Variants in DCC observed in about 807,000 individuals in gnomAD.
DCC encodes DCC netrin 1 receptor.
In DCC, 58 loss-of-function variants were observed where a neutral mutation model predicts 172.5. The observed-to-expected ratio is 0.34, with a 90% CI of 0.27 to 0.42. The LOEUF (loss-of-function observed/expected upper bound fraction) is 0.42. Ranked by LOEUF, DCC falls within the 10% of genes least tolerant of loss-of-function variation. The pLI is 1.00. For synonymous variants in DCC, 709 were observed against 644.5 expected, an observed-to-expected ratio of 1.10 and a Z score of -1.52; for missense variants, 1,740 against 1,791.0, an observed-to-expected ratio of 0.97 and a Z score of 0.51.
intron 7 of DCC, among the ~76,000 whole-genome samples, chr18:53,083,818 AG>A (rs993375611): frequency 6.6e-6 from 1 of 152,198 alleles, no homozygotes; most frequent in African/African-American, 2.4e-5. Flanking sequence ...AACAGCTATA[AG>A]GAACAACAAA....
chr18:52,662,880 G>A (rs1469323126), intron 1 of DCC, among the ~76,000 whole-genome samples: 9 of 152,076 alleles, frequency 5.9e-5, no homozygotes, highest in Non-Finnish European at 1.3e-4. Flanking sequence ...TGGTGGAAGT[G>A]ACAATGCAAC....
intron 8 of DCC, among the ~76,000 whole-genome samples, chr18:53,171,885 G>T (rs577073582): frequency 1.3e-5 from 2 of 151,902 alleles, no homozygotes; most frequent in East Asian, 3.9e-4. Context: ...AACAATAGAT[G>T]CTGGTGAGGC....
chr18:52,414,603 A>AT (rs1986954602), intron 1 of DCC, among the ~76,000 whole-genome samples: 1 of 152,104 alleles, frequency 6.6e-6, no homozygotes, highest in Non-Finnish European at 1.5e-5. Context: ...CATTAACTGC[A>AT]TAGACAGCTG....
At chr18:52,810,514 C>T (rs1283362255) in intron 2 of DCC, among the ~76,000 whole-genome samples, 8 of 152,130 alleles carry the variant, frequency 5.3e-5, no homozygotes, top group Non-Finnish European at 1.2e-4. Context: ...AATTTTAGTG[C>T]ATGATGAGAC....
chr18:52,636,260 G>A (rs1438959512), intron 1 of DCC, among the ~76,000 whole-genome samples: 2 of 152,094 alleles, frequency 1.3e-5, no homozygotes, highest in Admixed American at 6.5e-5. Flanking sequence ...AGAGGACCAG[G>A]GGCTAAAACT....
At chr18:53,170,763 T>G (rs1359539399) in intron 8 of DCC, among the ~76,000 whole-genome samples, 1 of 152,194 alleles carries the variant, frequency 6.6e-6, no homozygotes, top group Non-Finnish European at 1.5e-5. Flanking sequence ...ATGTTGTACT[T>G]GAGAAATCTG....
chr18:53,219,340 T>C (rs2055897221), intron 12 of DCC, among the ~76,000 whole-genome samples: 1 of 152,140 alleles, frequency 6.6e-6, no homozygotes, highest in Non-Finnish European at 1.5e-5. Context: ...ACCATTTTAC[T>C]GTTAAAGAAT....
chr18:52,677,565 T>G (rs1388831634), intron 1 of DCC, among the ~76,000 whole-genome samples: 1 of 152,110 alleles, frequency 6.6e-6, no homozygotes, highest in Non-Finnish European at 1.5e-5. Flanking sequence ...TGCTCAGTTT[T>G]CACAAACTGA....
intron 1 of DCC, among the ~76,000 whole-genome samples, chr18:52,718,363 T>C (rs1027835310): frequency 2.0e-5 from 3 of 152,194 alleles, no homozygotes; most frequent in Non-Finnish European, 4.4e-5. Context: ...AGTATTTCTA[T>C]TTTTTTCCTT....
chr18:52,618,304 A>T lies in DCC; in HGVS notation c.92-133750A>T, dbSNP rs554015512. 3.0e-4 allele frequency among the ~76,000 whole-genome samples: 45 copies of T among 152,116 alleles called. No homozygotes were observed. The South Asian group carries it at 3.7e-3, about 13-fold the overall frequency. On this transcript the variant is annotated intron_variant, in intron 1 of 28. Transcript: ENST00000442544. ...CTGGCAAATCAACAAATTTGTTTTT[A>T]AAAAAAACAAATCATGGTGACTGCC... is the stretch of plus-strand genomic sequence containing the variant.
chr18:52,883,307 GTTTTATTTTTA>G (rs1008186917), intron 2 of DCC, among the ~76,000 whole-genome samples: 1 of 141,730 alleles, frequency 7.1e-6, no homozygotes, highest in African/African-American at 2.7e-5. Context: ...TTTGTTTTCT[GTTTTATTTTTA>G]TTTTATTTTT....
At chr18:52,550,776 G>A (rs2144722056) in intron 1 of DCC, among the ~76,000 whole-genome samples, 1 of 152,232 alleles carries the variant, frequency 6.6e-6, no homozygotes, top group Middle Eastern at 3.4e-3. Flanking sequence ...AATTCATGCT[G>A]CAAAGTGTGT....
chr18:53,326,399 C>A (rs1297882274), intron 14 of DCC, among the ~76,000 whole-genome samples: 1 of 152,160 alleles, frequency 6.6e-6, no homozygotes, highest in Non-Finnish European at 1.5e-5. Context: ...AAGGCCTTCT[C>A]AATTTATTGA....
chr18:53,452,914 T>C (rs1407947072), intron 23 of DCC, among the ~76,000 whole-genome samples: 2 of 152,008 alleles, frequency 1.3e-5, no homozygotes, highest in Non-Finnish European at 2.9e-5. Flanking sequence ...TTTGTTTGTT[T>C]GTTTGTTTGT....
chr18:53,108,509 T>C (rs2043282716), intron 7 of DCC, among the ~76,000 whole-genome samples: 1 of 151,802 alleles, frequency 6.6e-6, no homozygotes, highest in South Asian at 2.1e-4. Context: ...AAAATCCTAT[T>C]TGTTGTCATA....
chr18:52,493,638 C>A (rs2030613870), intron 1 of DCC, among the ~76,000 whole-genome samples: 2 of 151,992 alleles, frequency 1.3e-5, no homozygotes, highest in South Asian at 4.1e-4. Flanking sequence ...GCTCCCATTT[C>A]ATTTCATACC....
chr18:52,582,580 A>T (rs1314859126), intron 1 of DCC, among the ~76,000 whole-genome samples: 5 of 152,290 alleles, frequency 3.3e-5, no homozygotes, highest in African/African-American at 4.8e-5. Context: ...AATCAGAGAA[A>T]AGGGCTTGTG....
chr18:52,668,062 A>G (rs2035486709), intron 1 of DCC, among the ~76,000 whole-genome samples: 1 of 151,920 alleles, frequency 6.6e-6, no homozygotes, highest in African/African-American at 2.4e-5. Flanking sequence ...CAACAACAAA[A>G]AAAAACAGTG....
At chr18:52,416,171 A>T (rs1399230631) in intron 1 of DCC, among the ~76,000 whole-genome samples, 2 of 152,092 alleles carry the variant, frequency 1.3e-5, no homozygotes, top group Non-Finnish European at 2.9e-5. Context: ...GTTTCCATGT[A>T]GTTGAGCAGT....
Sources: gnomAD v4.1 joint callset for allele counts (sites outside exome capture counted in the v4.1 genomes callset) on GRCh38, gnomAD v4.1.1 for gene constraint, MANE v1.5 for transcripts, NCBI Gene and HGNC (gene_info 2026-07-23, HGNC 2026-07-21) for gene names.